Variants in CRPPA observed in about 807,000 individuals in gnomAD.
The protein encoded by CRPPA is CDP-L-ribitol pyrophosphorylase A.
CRPPA carries 43 observed loss-of-function variants against 52.0 expected under a neutral mutation model. The ratio of observed to expected loss-of-function variants is 0.83; its 90% CI spans 0.65 to 1.07. The LOEUF is 1.07. CRPPA is among the 50% of genes least tolerant of loss of function. The pLI is 0.00. For missense variants in CRPPA, 629 were observed against 551.7 expected (o/e 1.14, Z -1.40); for synonymous variants, 250 against 203.5 (o/e 1.23, Z -1.94).
At chr7:16,152,101 A>G (rs1215716960) in intron 9 of CRPPA, among the ~76,000 whole-genome samples, 1 of 152,026 alleles carries the variant, frequency 6.6e-6, no homozygotes, top group Non-Finnish European at 1.5e-5. Context: ...ATGATTATAT[A>G]TAATCAATGT....
At chr7:16,156,224 C>T (rs1371232907) in intron 9 of CRPPA, among the ~76,000 whole-genome samples, 1 of 151,720 alleles carries the variant, frequency 6.6e-6, no homozygotes, top group Non-Finnish European at 1.5e-5. Flanking sequence ...GCTCTAGGGG[C>T]AACACTCATT....
chr7:16,404,003 A>G (rs1317759004), intron 2 of CRPPA, among the ~76,000 whole-genome samples: 1 of 152,202 alleles, frequency 6.6e-6, no homozygotes, highest in Non-Finnish European at 1.5e-5. Context: ...TCACTTCAAC[A>G]TACCTTTTTA....
chr7:16,293,624 G>T (rs2128421173), intron 5 of CRPPA, among the ~76,000 whole-genome samples: 1 of 151,936 alleles, frequency 6.6e-6, no homozygotes, highest in East Asian at 1.9e-4. Flanking sequence ...AATATAAATG[G>T]ACGGAGACAA....
intron 8 of CRPPA, among the ~76,000 whole-genome samples, chr7:16,253,634 A>C (rs961802927): frequency 6.6e-6 from 1 of 152,150 alleles, no homozygotes; most frequent in Non-Finnish European, 1.5e-5. Flanking sequence ...CTTGGTGCAG[A>C]GATGAGTTCA....
rs376898282 is a variant in CRPPA at position 16,241,674 on chromosome 7, T to C, written c.1119+16716A>G. On this transcript the variant is annotated intron_variant, in intron 8 of 9. Transcript: ENST00000407010. ...TAACAAAATATTGCCCACTATTTTATCCAATAGTAGAAAAGGATATTTTGG... is the reference window on the plus strand; with the variant it reads ...TAACAAAATATTGCCCACTATTTTACCCAATAGTAGAAAAGGATATTTTGG... Among the ~76,000 whole-genome samples the C allele has an allele frequency of 5.9e-5, 9 of 152,318 alleles. No homozygotes were observed. The East Asian group carries it at 1.7e-3, about 29-fold the overall frequency.
chr7:16,353,917 A>T (rs1030926221), intron 3 of CRPPA, among the ~76,000 whole-genome samples: 1 of 152,188 alleles, frequency 6.6e-6, no homozygotes, highest in African/African-American at 2.4e-5. Flanking sequence ...TGGGTATAGT[A>T]ATTAGCCTGA....
intron 9 of CRPPA, among the ~76,000 whole-genome samples, chr7:16,145,642 T>TGAAA (rs34238820): frequency 1.2e-4 from 18 of 147,892 alleles, no homozygotes; most frequent in Non-Finnish European, 2.4e-4. Flanking sequence ...AAAACTATCA[T>TGAAA]AAAAAAAAAA....
intron 2 of CRPPA, among the ~76,000 whole-genome samples, chr7:16,404,543 C>G (rs1022427945): frequency 1.3e-5 from 2 of 148,594 alleles, no homozygotes; most frequent in African/African-American, 5.0e-5. Flanking sequence ...TATTACTCAA[C>G]AACAACAAAA....
intron 9 of CRPPA, among the ~76,000 whole-genome samples, chr7:16,131,538 T>C (rs1411859497): frequency 2.0e-5 from 3 of 152,142 alleles, no homozygotes; most frequent in Non-Finnish European, 2.9e-5. Context: ...AGCTAGCACA[T>C]TTTGACAGCC....
intron 9 of CRPPA, among the ~76,000 whole-genome samples, chr7:16,167,733 T>C (rs189469866): frequency 2.8e-3 from 426 of 152,382 alleles, no homozygotes; most frequent in Non-Finnish European, 4.5e-3. Flanking sequence ...TCTTTGAATG[T>C]ATTATGCATA....
At chr7:16,152,033 G>A (rs1178912196) in intron 9 of CRPPA, among the ~76,000 whole-genome samples, 1 of 151,828 alleles carries the variant, frequency 6.6e-6, no homozygotes, top group Non-Finnish European at 1.5e-5. Flanking sequence ...ACTCAGAATG[G>A]CAAAGAATCT....
At chr7:16,115,710 C>G (rs6461223) in intron 9 of CRPPA, among the ~76,000 whole-genome samples, 1 of 152,058 alleles carries the variant, frequency 6.6e-6, no homozygotes, top group South Asian at 2.1e-4. Context: ...TGTAGGGACA[C>G]CCTCAAAATC....
intron 9 of CRPPA, among the ~76,000 whole-genome samples, chr7:16,115,307 G>C (rs1414229518): frequency 6.6e-6 from 1 of 152,160 alleles, no homozygotes; most frequent in African/African-American, 2.4e-5. Flanking sequence ...TGTATGCTAT[G>C]TTGAGTAAGA....
At chr7:16,148,043 T>C (rs1783007489) in intron 9 of CRPPA, among the ~76,000 whole-genome samples, 2 of 152,168 alleles carry the variant, frequency 1.3e-5, no homozygotes, top group South Asian at 4.1e-4. Flanking sequence ...GCCCTCAATA[T>C]TGTCTATCCC....
At chr7:16,403,137 G>T (rs995564200) in intron 2 of CRPPA, among the ~76,000 whole-genome samples, 4 of 151,680 alleles carry the variant, frequency 2.6e-5, no homozygotes, top group Admixed American at 2.0e-4. Context: ...AATAGTGAGG[G>T]GGGGAAAAAA....
intron 8 of CRPPA, among the ~76,000 whole-genome samples, chr7:16,249,904 T>C (rs2128409278): frequency 6.6e-6 from 1 of 152,220 alleles, no homozygotes; most frequent in Middle Eastern, 3.4e-3. Flanking sequence ...AGAAGTAGGC[T>C]TCAGAAGGTG....
intron 9 of CRPPA, among the ~76,000 whole-genome samples, chr7:16,140,457 G>A (rs1385995050): frequency 2.0e-5 from 3 of 152,068 alleles, no homozygotes; most frequent in South Asian, 2.1e-4. Context: ...GACCCACTGC[G>A]CCCAGTCCTA....
At chr7:16,181,848 T>C (rs1007073983) in intron 9 of CRPPA, among the ~76,000 whole-genome samples, 3 of 152,068 alleles carry the variant, frequency 2.0e-5, no homozygotes, top group Admixed American at 2.0e-4. Context: ...GACTATATTC[T>C]TCAACAATTA....
intron 6 of CRPPA, among the ~76,000 whole-genome samples, chr7:16,274,098 G>T (rs183972609): frequency 6.6e-6 from 1 of 152,174 alleles, no homozygotes; most frequent in African/African-American, 2.4e-5. Context: ...CGCCCAGGCT[G>T]GAGTGCAGCG....
Sources: allele counts gnomAD v4.1 joint callset (sites outside exome capture counted in the v4.1 genomes callset), GRCh38; gene constraint gnomAD v4.1.1; transcripts MANE v1.5; gene names NCBI Gene and HGNC (gene_info 2026-07-23, HGNC 2026-07-21).